Variants in CDH19 observed in about 807,000 individuals in gnomAD.
The protein encoded by CDH19 is cadherin 19, also known as cadherin-19.
Under a neutral mutation model 64.2 loss-of-function variants are expected in CDH19, and 67 were observed. That is an observed-to-expected ratio of 1.04 (90% CI 0.86 to 1.28). The LOEUF is 1.28. CDH19 is among the 50% of genes most tolerant of loss of function. The pLI, the probability that CDH19 is intolerant of heterozygous loss-of-function variation, is 0.00. For synonymous variants in CDH19, 346 were observed against 319.3 expected, an observed-to-expected ratio of 1.08 and a Z score of -0.89; for missense variants, 1,030 against 929.0, an observed-to-expected ratio of 1.11 and a Z score of -1.41.
intron 1 of CDH19, among the ~76,000 whole-genome samples, chr18:66,583,330 G>T (rs2144608308): frequency 6.6e-6 from 1 of 152,092 alleles, no homozygotes; most frequent in East Asian, 1.9e-4. Context: ...ATAAAAACAT[G>T]ATTTTCTTTT....
chr18:66,524,189 A>G (rs1986117607), intron 9 of CDH19, among the ~76,000 whole-genome samples: 2 of 151,196 alleles, frequency 1.3e-5, no homozygotes, highest in South Asian at 2.1e-4. Flanking sequence ...CTTTATTTTT[A>G]TTTTTTTCCT....
intron 9 of CDH19, among the ~76,000 whole-genome samples, chr18:66,526,825 C>G (rs1986238510): frequency 6.6e-6 from 1 of 151,762 alleles, no homozygotes; most frequent in African/African-American, 2.4e-5. Context: ...TTCACTATTT[C>G]ATCATTCTTT....
Position 66,505,053 on chromosome 18 carries a change from G to T in CDH19, c.2078C>A (p.Ala693Asp). ...TTCCAGAATGAATTTCCTGAATATG[G>T]CACTGTCGGGGCCAACTTGCAAAGA... is the stretch of plus-strand genomic sequence containing the variant. Reference protein sequence around the residue: ...RQSLQVGPDSAIFRKFILEKL... With the variant: ...RQSLQVGPDSDIFRKFILEKL... Residue 693 changes from alanine to aspartate, a missense_variant, in exon 12 of 12, where the codon GCC becomes GAC. By Grantham distance (126) the Ala-to-Asp change is moderately radical (BLOSUM62 -2). Coordinates refer to ENST00000262150, the MANE Select transcript of CDH19 (RefSeq NM_021153.4). 2 of 1,613,656 alleles carry T rather than the reference G, an allele frequency of 1.2e-6. No homozygotes were observed. The highest frequency in any genetic ancestry group is 1.7e-6 in the Non-Finnish European group (2 of 1,179,766).
At chr18:66,579,950 T>G in intron 1 of CDH19, among the ~76,000 whole-genome samples, 1 of 152,030 alleles carries the variant, frequency 6.6e-6, no homozygotes, top group East Asian at 1.9e-4. Context: ...ATATTTTCTT[T>G]AAAATATCTC....
chr18:66,583,694 T>C (rs1394709536), intron 1 of CDH19, among the ~76,000 whole-genome samples: 2 of 152,000 alleles, frequency 1.3e-5, no homozygotes, highest in South Asian at 4.1e-4. Context: ...ATACAGAGCC[T>C]AGAAGTAAGA....
chr18:66,544,008 A>G lies in CDH19; in HGVS notation c.1177T>C (p.Ser393Pro). 1 of 1,613,682 alleles carries G rather than the reference A, an allele frequency of 6.2e-7. No homozygotes were observed. The highest frequency in any genetic ancestry group is 8.5e-7 in the Non-Finnish European group (1 of 1,179,588). ...TTCCTATTGTCTGGGTCTGTGGCAG[A>G]CACCACGCCTACAAATGATCCCTGT... ...TPQGSFVGVV[S>P]ATDPDNRKSP... The change falls in exon 7 of 12, where the codon TCT becomes CCT. Residue 393 changes from serine to proline, a missense_variant. By Grantham distance (74) the Ser-to-Pro change is moderately conservative. Coordinates refer to ENST00000262150, the MANE Select transcript of CDH19 (RefSeq NM_021153.4).
intron 9 of CDH19, among the ~76,000 whole-genome samples, chr18:66,518,714 T>C (rs1020399864): frequency 6.6e-6 from 1 of 152,196 alleles, no homozygotes; most frequent in Non-Finnish European, 1.5e-5. Flanking sequence ...AAATTAACTG[T>C]AACTTTGAAA....
chr18:66,562,419 A>G (rs1987756702), intron 3 of CDH19, among the ~76,000 whole-genome samples: 1 of 152,000 alleles, frequency 6.6e-6, no homozygotes. Context: ...ATGAAAATCT[A>G]ATCCCGCCAC....
At chr18:66,540,670 T>C (rs1986854107) in intron 7 of CDH19, among the ~76,000 whole-genome samples, 1 of 152,056 alleles carries the variant, frequency 6.6e-6, no homozygotes, top group African/African-American at 2.4e-5. Context: ...TCCCATTCAT[T>C]AGGGCTCCAC....
At chr18:66,525,926 T>C (rs17061894) in intron 9 of CDH19, among the ~76,000 whole-genome samples, 27,052 of 152,060 alleles carry the variant, frequency 0.18, 2,656 homozygotes, top group South Asian at 0.25. Context: ...AATTGTAAAA[T>C]AGGGCTGACC....
At chr18:66,542,074 G>A (rs1161432020) in intron 7 of CDH19, among the ~76,000 whole-genome samples, 2 of 152,008 alleles carry the variant, frequency 1.3e-5, no homozygotes, top group Non-Finnish European at 1.5e-5. Context: ...GATAACATAT[G>A]AATATCTTAA....
In CDH19 at chr18:66,503,156, A is replaced by G. The variant is rs898503447; in HGVS notation, c.*1656T>C. 6.6e-6 allele frequency: 1 copy of G among 151,828 alleles called. No individual in the cohort carries two copies. The highest frequency in any genetic ancestry group is 1.5e-5 in the Non-Finnish European group (1 of 67,826). The allele number at this position is 151,828 out of a possible 1,614,324, so 9.4% of individuals were successfully genotyped here. On this transcript the variant is annotated 3_prime_UTR_variant, in exon 12 of 12. Transcript: ENST00000262150. ...TCACTACTTTCTTCCTGTTCAAACC[A>G]TAAATTTTGAAGTCTACCTTGATTT... is the stretch of plus-strand genomic sequence containing the variant.
At chr18:66,527,627 G>A (rs2144406909) in intron 9 of CDH19, among the ~76,000 whole-genome samples, 1 of 152,092 alleles carries the variant, frequency 6.6e-6, no homozygotes, top group East Asian at 1.9e-4. Flanking sequence ...GCGTGCGCCT[G>A]TCATCTCCAC....
At chr18:66,603,687 A>G (rs977270632) in intron 1 of CDH19, among the ~76,000 whole-genome samples, 3 of 152,110 alleles carry the variant, frequency 2.0e-5, no homozygotes, top group African/African-American at 7.2e-5. Context: ...ATATCCTAAC[A>G]TAGGTGTAAC....
intron 10 of CDH19, among the ~76,000 whole-genome samples, chr18:66,510,242 T>C (rs1386593986): frequency 6.6e-6 from 1 of 151,680 alleles, no homozygotes; most frequent in African/African-American, 2.4e-5. Flanking sequence ...TATGAAACCC[T>C]TAAGGTCTAT....
At chr18:66,547,691 G>A (rs1987173729) in intron 5 of CDH19, among the ~76,000 whole-genome samples, 2 of 114,108 alleles carry the variant, frequency 1.8e-5, no homozygotes, top group Non-Finnish European at 3.4e-5. Flanking sequence ...TTTTTGAGAC[G>A]GAGTCTCGCT....
rs781191590 is a variant in CDH19 at position 66,544,132 on chromosome 18, C to G, written c.1053G>C (p.Glu351Asp). 3 of 1,613,904 alleles carry G rather than the reference C, an allele frequency of 1.9e-6. No individual in the cohort carries two copies. In the Admixed American group the frequency reaches 5.0e-5, roughly 27 times the overall value. ...VPEQLMKYHT[E>D]ASTTFIKIQV... The stretch of plus-strand genomic sequence containing the variant: ...GGATCTTAATGAAAGTGGTGGAAGC[C>G]TCAGTGTGGTACTTCATGAGCTGCT... Residue 351 changes from glutamate to aspartate, a missense_variant, in exon 7 of 12, where the codon GAG (glutamate) becomes GAC (aspartate). Glu to Asp is a conservative substitution (Grantham distance 45). Coordinates refer to ENST00000262150, the MANE Select transcript of CDH19 (RefSeq NM_021153.4).
At chr18:66,586,276 TC>T (rs960400614) in intron 1 of CDH19, among the ~76,000 whole-genome samples, 31 of 152,068 alleles carry the variant, frequency 2.0e-4, no homozygotes, top group South Asian at 1.0e-3. Flanking sequence ...TCCAAACCTT[TC>T]CCAAAACAAA....
At chr18:66,532,456 T>C (rs1434068132) in intron 8 of CDH19, 1 of 166,896 alleles carries the variant, frequency 6.0e-6, no homozygotes, top group African/African-American at 2.5e-5. Flanking sequence ...AGGGAAAATA[T>C]TTTTTCTTTC....
Sources: gnomAD v4.1 joint callset for allele counts (sites outside exome capture counted in the v4.1 genomes callset) on GRCh38, gnomAD v4.1.1 for gene constraint, MANE v1.5 for transcripts, NCBI Gene and HGNC (gene_info 2026-07-23, HGNC 2026-07-21) for gene names.